SLC2A12: variants seen among roughly 807,000 people sequenced by gnomAD.
SLC2A12 encodes solute carrier family 2 member 12.
In SLC2A12, 23 loss-of-function variants were observed where a neutral mutation model predicts 41.8. That is an observed-to-expected ratio of 0.55 (90% CI 0.40 to 0.78). The LOEUF is 0.78. Among genes scored for constraint, SLC2A12 ranks in the 30% least tolerant of loss-of-function variants. The pLI is 0.00. For synonymous variants in SLC2A12, 295 were observed against 285.9 expected (o/e 1.03, Z -0.32); for missense variants, 654 against 745.6 (o/e 0.88, Z 1.43).
intron 1 of SLC2A12, among the ~76,000 whole-genome samples, chr6:134,033,500 T>C (rs1169051528): frequency 6.6e-6 from 1 of 152,080 alleles, no homozygotes. Flanking sequence ...TTTGCTGTGT[T>C]GATTAGTGTA....
At chr6:134,047,578 C>T (rs1777476600) in intron 1 of SLC2A12, among the ~76,000 whole-genome samples, 1 of 152,192 alleles carries the variant, frequency 6.6e-6, no homozygotes, top group East Asian at 1.9e-4. Flanking sequence ...TCTCTACCAA[C>T]TAGTGTAAGC....
Position 134,006,871 on chromosome 6 carries a change from GTTAA to G in SLC2A12, c.1504_1507del (p.Thr503LeufsTer3), listed in dbSNP as rs1282292415. On this transcript the variant is annotated frameshift_variant, in exon 3 of 5. Coordinates refer to ENST00000275230, the MANE Select transcript of SLC2A12 (RefSeq NM_145176.3). LOFTEE classifies it high-confidence loss of function. ...ATTGATGCCCCAGTTCATGCTAGAA[GTTAA>G]AGCCATGGCTCGTCCTCTGATCCCA... 6.2e-7 allele frequency: 1 copy of G among 1,614,082 alleles called. No individual in the cohort carries two copies. Among genetic ancestry groups the G allele is most frequent in the African/African-American group, 1.3e-5 (1 of 74,930 alleles).
Position 133,994,874 on chromosome 6 carries a change from G to A in SLC2A12, c.1701-3566C>T, listed in dbSNP as rs188638941. Reference sequence around the variant, plus strand: ...CATAGGTAAGAGATAACCAGGGGACGGGTCGCAGAAGGATGTGAGGCAAGC... The same window carrying A: ...CATAGGTAAGAGATAACCAGGGGACAGGTCGCAGAAGGATGTGAGGCAAGC... On this transcript the variant is annotated intron_variant, in intron 4 of 4. Coordinates refer to ENST00000275230, the MANE Select transcript of SLC2A12 (RefSeq NM_145176.3). Among the ~76,000 whole-genome samples the A allele has an allele frequency of 8.1e-4, 123 of 152,290 alleles. 1 individual carries two copies. The highest frequency in any genetic ancestry group is 5.9e-5 in the Non-Finnish European group (4 of 68,030).
intron 2 of SLC2A12, among the ~76,000 whole-genome samples, chr6:134,007,744 T>C (rs1351624137): frequency 6.6e-6 from 1 of 152,180 alleles, no homozygotes; most frequent in Non-Finnish European, 1.5e-5. Flanking sequence ...GTTCTTACTG[T>C]GGGCTTTTAC....
At chr6:134,023,187 A>C (rs967416760) in intron 2 of SLC2A12, among the ~76,000 whole-genome samples, 1 of 152,202 alleles carries the variant, frequency 6.6e-6, no homozygotes, top group Non-Finnish European at 1.5e-5. Context: ...TTAGGTTGAC[A>C]GTGGTCTGGA....
chr6:134,030,906 A>T (rs1027434208), intron 1 of SLC2A12, among the ~76,000 whole-genome samples: 2 of 152,136 alleles, frequency 1.3e-5, no homozygotes, highest in Non-Finnish European at 2.9e-5. Flanking sequence ...TAGGTTTCTT[A>T]TTTATAAAGT....
At chr6:134,019,717 A>G (rs757094083) in intron 2 of SLC2A12, among the ~76,000 whole-genome samples, 1 of 152,204 alleles carries the variant, frequency 6.6e-6, no homozygotes, top group Non-Finnish European at 1.5e-5. Context: ...AATATTTTAA[A>G]TGCATTCTAG....
intron 4 of SLC2A12, among the ~76,000 whole-genome samples, chr6:133,994,660 A>G (rs927301481): frequency 4.6e-5 from 7 of 152,148 alleles, no homozygotes; most frequent in Admixed American, 2.6e-4. Context: ...CCTGGGAGGC[A>G]GAGCTTGCAT....
intron 4 of SLC2A12, among the ~76,000 whole-genome samples, chr6:133,999,230 A>G (rs1264505391): frequency 2.0e-5 from 3 of 152,236 alleles, no homozygotes. Flanking sequence ...AAGGATGTAG[A>G]GCTGAATCTT....
intron 2 of SLC2A12, among the ~76,000 whole-genome samples, chr6:134,016,812 C>A (rs975439815): frequency 3.9e-5 from 6 of 152,136 alleles, no homozygotes; most frequent in African/African-American, 1.4e-4. Context: ...CTTTAGATTG[C>A]CCATTCACAT....
At chr6:134,031,302 G>C (rs767143051) in intron 1 of SLC2A12, among the ~76,000 whole-genome samples, 1 of 152,066 alleles carries the variant, frequency 6.6e-6, no homozygotes, top group Non-Finnish European at 1.5e-5. Flanking sequence ...TGAGGCAGGA[G>C]AATCACTTGA....
chr6:134,049,944 T>C (rs1263674950), intron 1 of SLC2A12, among the ~76,000 whole-genome samples: 1 of 152,246 alleles, frequency 6.6e-6, no homozygotes, highest in Non-Finnish European at 1.5e-5. Context: ...TCTAGGAATG[T>C]AGAAAAGCTT....
chr6:134,045,244 C>T (rs1777442264), intron 1 of SLC2A12, among the ~76,000 whole-genome samples: 1 of 152,114 alleles, frequency 6.6e-6, no homozygotes, highest in South Asian at 2.1e-4. Context: ...AGAATGCAAA[C>T]AAGTCCTGAA....
intron 1 of SLC2A12, among the ~76,000 whole-genome samples, chr6:134,030,759 G>C (rs765744877): frequency 8.5e-5 from 13 of 152,204 alleles, no homozygotes; most frequent in Admixed American, 8.5e-4. Context: ...AGGACGGAAA[G>C]GGCTTAAAAT....
At position 134,003,943 on chromosome 6, in the gene SLC2A12, C is replaced by G. The variant is rs1776781651; in HGVS notation, c.1568-1814G>C. ...CTCACGTCTTTTAGATCCCTGTGTC[C>G]TACACTTGGAAAATTTATTTTTGAA... On this transcript the variant is annotated intron_variant, in intron 3 of 4. Transcript: ENST00000275230. Among the ~76,000 whole-genome samples, 4 of 152,306 alleles carry G rather than the reference C, an allele frequency of 2.6e-5. No individual in the cohort carries two copies. The South Asian group carries it at 8.3e-4, about 32-fold the overall frequency.
At chr6:134,027,894 A>G (rs1017486908) in intron 2 of SLC2A12, among the ~76,000 whole-genome samples, 1 of 152,222 alleles carries the variant, frequency 6.6e-6, no homozygotes, top group Non-Finnish European at 1.5e-5. Flanking sequence ...GATGTACTCA[A>G]AATAGTAATA....
chr6:133,990,549 A>G lies in SLC2A12; in HGVS notation c.*606T>C, dbSNP rs941269905. On this transcript the variant is annotated 3_prime_UTR_variant, in exon 5 of 5. Coordinates refer to ENST00000275230, the MANE Select transcript of SLC2A12 (RefSeq NM_145176.3). The stretch of plus-strand genomic sequence containing the variant: ...TGAAATTCATAAAAGGATATTTTGC[A>G]TTAAATTATAGTTTATAGTTCATAA... 3.9e-5 allele frequency: 6 copies of G among 152,462 alleles called. No individual in the cohort carries two copies. Among genetic ancestry groups the G allele is most frequent in the Admixed American group, 2.0e-4 (3 of 15,284 alleles). 9.4% of individuals were successfully genotyped at this position (152,462 alleles called of 1,614,324 possible).
At chr6:134,035,148 TGAC>T (rs1199545801) in intron 1 of SLC2A12, among the ~76,000 whole-genome samples, 2 of 57,724 alleles carry the variant, frequency 3.5e-5, no homozygotes, top group African/African-American at 1.0e-4. Context: ...GCTGGCTGCC[TGAC>T]AAAAAAAAAA....
intron 3 of SLC2A12, among the ~76,000 whole-genome samples, chr6:134,006,334 TGAGGAGATG>T (rs1412968612): frequency 1.1e-4 from 16 of 151,510 alleles, no homozygotes; most frequent in Non-Finnish European, 2.9e-5. Flanking sequence ...ATAGTGGGGG[TGAGGAGATG>T]GAGGAGATGG....
Sources: gnomAD v4.1 joint callset for allele counts (sites outside exome capture counted in the v4.1 genomes callset) on GRCh38, gnomAD v4.1.1 for gene constraint, MANE v1.5 for transcripts, NCBI Gene and HGNC (gene_info 2026-07-23, HGNC 2026-07-21) for gene names.